The following STK11 variants were observed in gnomAD, a reference collection of about 807,000 sequenced individuals.
STK11 encodes serine/threonine kinase 11, also known as serine/threonine-protein kinase STK11.
STK11 carries 8 observed loss-of-function variants against 47.3 expected under a neutral mutation model. That is an observed-to-expected ratio of 0.17 (90% CI 0.10 to 0.31). The LOEUF is 0.31. STK11 is among the 10% of genes least tolerant of loss of function. The probability of loss-of-function intolerance (pLI) is 1.00; values close to 1 mark genes in which losing one functional copy is unlikely to be tolerated. For missense variants in STK11, 475 were observed against 605.0 expected (o/e 0.79, Z 2.25); for synonymous variants, 330 against 255.8 (o/e 1.29, Z -2.77).
At chr19:1,208,039 C>T (rs1373588048) in intron 1 of STK11, among the ~76,000 whole-genome samples, 5 of 152,230 alleles carry the variant, frequency 3.3e-5, no homozygotes, top group African/African-American at 1.2e-4. Context: ...CGCCGCCTGG[C>T]GGGCCCTGCC....
chr19:1,219,177 G>A (rs1173966620), intron 2 of STK11, 147 bp from the exon 3 acceptor site: 1 of 901,432 alleles, frequency 1.1e-6, no homozygotes, highest in African/African-American at 1.7e-5. Flanking sequence ...CCTTTTCAGA[G>A]GGGTGGCTGA....
chr19:1,206,744 A>C lies in STK11; in HGVS notation c.-170A>C. On this transcript the variant is annotated 5_prime_UTR_variant, in exon 1 of 10. Coordinates refer to ENST00000326873, the MANE Select transcript of STK11 (RefSeq NM_000455.5). ...CGCAGCCGGGACTGACGTGTAGAACAATCGTTTCTGTTGGAAGAAGGGTTT... is the reference window on the plus strand; with the variant it reads ...CGCAGCCGGGACTGACGTGTAGAACCATCGTTTCTGTTGGAAGAAGGGTTT... 1 of 924,576 alleles carries C rather than the reference A, an allele frequency of 1.1e-6. No individual in the cohort carries two copies. Among genetic ancestry groups the C allele is most frequent in the Non-Finnish European group, 1.6e-6 (1 of 636,702 alleles). 57.3% of individuals were successfully genotyped at this position (924,576 alleles called of 1,614,324 possible).
intron 1 of STK11, among the ~76,000 whole-genome samples, chr19:1,215,536 C>T (rs1397037026): frequency 2.0e-5 from 3 of 152,242 alleles, no homozygotes; most frequent in South Asian, 2.1e-4. Flanking sequence ...CCCAGACTGG[C>T]GGCCCCTTGT....
In STK11 at chr19:1,223,103, G is replaced by A. The variant is rs369744528; in HGVS notation, c.1039G>A (p.Ala347Thr). 3.4e-5 allele frequency: 54 copies of A among 1,611,164 alleles called. No homozygotes were observed. In the South Asian group the frequency reaches 3.5e-4, roughly 11 times the overall value. ...VVPYLEDLHG[A>T]DEDEDLFDIE... ...GCCGTACTTGGAGGACCTGCACGGC[G>A]CGGACGAGGACGAGGACCTCTTCGA... Residue 347 changes from alanine (A) to threonine (T), a missense_variant, in exon 8 of 10, where the codon GCG (alanine) becomes ACG (threonine). Around this residue, in one of 5 missense-constraint regions of STK11, gnomAD observed 219 missense variants for 189.2 expected, o/e 1.16. Coordinates refer to ENST00000326873, the MANE Select transcript of STK11 (RefSeq NM_000455.5).
intron 8 of STK11, chr19:1,225,554 C>T: frequency 5.1e-6 from 5 of 985,576 alleles, no homozygotes; most frequent in Non-Finnish European, 4.8e-6. Flanking sequence ...CAAGCGTGAG[C>T]CACCGCGACC....
Position 1,219,455 on chromosome 19 carries a change from G to GGGCCGGT in STK11, c.464+46_464+47insGGTGGCC, listed in dbSNP as rs1329198778. 8.4e-6 allele frequency: 13 copies of GGGCCGGT among 1,540,318 alleles called. No individual in the cohort carries two copies. In the East Asian group the frequency reaches 2.9e-4, roughly 35 times the overall value. ...GGGGCCAGGGTGGGGCGGGGGCCGG[G>GGGCCGGT]GGCCAGGCAGGGCAGGCTCCTTTCC... On this transcript the variant is annotated intron_variant, in intron 3 of 9. Coordinates refer to ENST00000326873, the MANE Select transcript of STK11 (RefSeq NM_000455.5).
In STK11 at chr19:1,227,589, G is replaced by A; in HGVS notation, c.*17-4G>A. On this transcript the variant is annotated splice_region_variant and splice_polypyrimidine_tract_variant and intron_variant, in intron 9 of 9. Coordinates refer to ENST00000326873, the MANE Select transcript of STK11 (RefSeq NM_000455.5). ...ACCTCTTCCGTCTTCCTTCCACCCT[G>A]CAGCCCGTGTCCAGGAGCCCCGCCA... is the stretch of plus-strand genomic sequence containing the variant. The A allele has an allele frequency of 1.9e-6, 2 of 1,064,410 alleles. No individual in the cohort carries two copies. Among genetic ancestry groups the A allele is most frequent in the Non-Finnish European group, 2.3e-6 (2 of 878,718 alleles). 65.9% of individuals were successfully genotyped at this position (1,064,410 alleles called of 1,614,324 possible). A position where few individuals can be genotyped will look rare whatever the true frequency, so the allele number is the denominator to read the frequency against.
chr19:1,213,582 C>T (rs560864554), intron 1 of STK11, among the ~76,000 whole-genome samples: 1 of 152,360 alleles, frequency 6.6e-6, no homozygotes, highest in Admixed American at 6.5e-5. Context: ...GGGGCATCCG[C>T]GCCGTGGCCT....
chr19:1,207,183 C>T lies in STK11; in HGVS notation c.270C>T (p.Asn90=), dbSNP rs1555735064. The change falls in exon 1 of 10, where the codon AAC becomes AAT. Residue 90 remains asparagine, a synonymous_variant. Transcript: ENST00000326873. ...LKKKKLRRIP[N]GEANVKKEIQ... is the part of the protein sequence containing the mutation. ...AGAAGAAGTTGCGAAGGATCCCCAA[C>T]GGGGAGGCCAACGTGAAGAAGTAAG... The T allele has an allele frequency of 6.2e-7, 1 of 1,607,692 alleles. No homozygotes were observed. Among genetic ancestry groups the T allele is most frequent in the Admixed American group, 1.7e-5 (1 of 58,754 alleles).
rs121913323 is a variant in STK11 at position 1,220,416 on chromosome 19, C to G, written c.508C>G (p.Gln170Glu). ...TGACGGCCTGGAGTACCTGCATAGCCAGGGCATTGTGCACAAGGACATCAA... is the reference window on the plus strand; with the variant it reads ...TGACGGCCTGGAGTACCTGCATAGCGAGGGCATTGTGCACAAGGACATCAA... The part of the protein sequence containing the change: ...LIDGLEYLHS[Q>E]GIVHKDIKPG... The change falls in exon 4 of 10, where the codon CAG becomes GAG. Residue 170 changes from glutamine (Q) to glutamate (E), a missense_variant. Physicochemically the swap from Gln to Glu is conservative, Grantham distance 29. This residue lies in a region of STK11 where 130 missense variants were observed against 239.7 expected (regional missense o/e 0.54). Transcript: ENST00000326873. The G allele has an allele frequency of 3.1e-6, 5 of 1,605,588 alleles. No homozygotes were observed. In the South Asian group the frequency reaches 5.6e-5, roughly 18 times the overall value.
rs757109406 is a variant in STK11, at chr19:1,222,015, C to G, written c.920+9C>G. The G allele has an allele frequency of 6.4e-7, 1 of 1,565,034 alleles. No individual in the cohort carries two copies. The highest frequency in any genetic ancestry group is 8.7e-7 in the Non-Finnish European group (1 of 1,155,586). Reference sequence around the variant, plus strand: ...CAGATCCGGCAGCACAGGTGAGCGGCCCCTGGGGGCAGTGGGGCCGAGGCT... The same window carrying G: ...CAGATCCGGCAGCACAGGTGAGCGGGCCCTGGGGGCAGTGGGGCCGAGGCT... On this transcript the variant is annotated intron_variant, in intron 7 of 9. Coordinates refer to ENST00000326873, the MANE Select transcript of STK11 (RefSeq NM_000455.5).
intron 3 of STK11, chr19:1,219,917 C>T (rs1437810191): frequency 5.2e-6 from 1 of 193,012 alleles, no homozygotes; most frequent in African/African-American, 2.4e-5. Flanking sequence ...GGGCTGCTGC[C>T]AACCTCCCGC....
intron 1 of STK11, among the ~76,000 whole-genome samples, chr19:1,212,449 G>A (rs1353770958): frequency 6.6e-6 from 1 of 151,890 alleles, no homozygotes; most frequent in African/African-American, 2.4e-5. Context: ...ATGGGGTTTC[G>A]CCATGTTGTC....
chr19:1,224,225 G>T, intron 8 of STK11: 1 of 985,198 alleles, frequency 1.0e-6, no homozygotes, highest in South Asian at 4.7e-5. Flanking sequence ...CCCCCAGGAG[G>T]ATGCAGCATG....
At chr19:1,211,755 C>T (rs555553071) in intron 1 of STK11, among the ~76,000 whole-genome samples, 1 of 152,386 alleles carries the variant, frequency 6.6e-6, no homozygotes, top group South Asian at 2.1e-4. Context: ...CCCATCCGCA[C>T]CGCCCCCGCG....
At chr19:1,223,197 C>T (rs1007345825) in intron 8 of STK11, 25 bp downstream of exon 8, 61 of 1,597,742 alleles carry the variant, frequency 3.8e-5, no homozygotes, top group Middle Eastern at 1.7e-4. Context: ...GGCCCCTGCC[C>T]GGCTCTGCTG....
chr19:1,227,827 C>T lies in STK11; in HGVS notation c.*251C>T, dbSNP rs2080837402. On this transcript the variant is annotated 3_prime_UTR_variant, in exon 10 of 10. Coordinates refer to ENST00000326873, the MANE Select transcript of STK11 (RefSeq NM_000455.5). ...ACTTCGCAGCCCCGGGCGGAGCCTT[C>T]CCGGGCGGGCGTGGGAGGAGGGAGG... 1 of 1,071,374 alleles carries T rather than the reference C, an allele frequency of 9.3e-7. No individual in the cohort carries two copies. The highest frequency in any genetic ancestry group is 1.1e-6 in the Non-Finnish European group (1 of 883,110). 66.4% of individuals were successfully genotyped at this position (1,071,374 alleles called of 1,614,324 possible).
chr19:1,220,553 C>T (rs2145424892), intron 4 of STK11, 28 bp from the exon 5 acceptor site: 2 of 1,577,174 alleles, frequency 1.3e-6, no homozygotes, highest in South Asian at 1.1e-5. Flanking sequence ...CCCGGGCACT[C>T]CCTGAGGGCT....
Position 1,227,813 on chromosome 19 carries a change from C to A in STK11, c.*237C>A, listed in dbSNP as rs886054221. The A allele has an allele frequency of 1.3e-5, 14 of 1,072,158 alleles. No individual in the cohort carries two copies. In the African/African-American group the frequency reaches 2.0e-4, roughly 15 times the overall value. 66.4% of individuals were successfully genotyped at this position (1,072,158 alleles called of 1,614,324 possible). On this transcript the variant is annotated 3_prime_UTR_variant, in exon 10 of 10. Transcript: ENST00000326873. ...CACGCGGCTTGTTGACTTCGCAGCC[C>A]CGGGCGGAGCCTTCCCGGGCGGGCG...
Sources: gnomAD v4.1 joint callset for allele counts (sites outside exome capture counted in the v4.1 genomes callset) on GRCh38, gnomAD v4.1.1 for gene constraint, gnomAD v4.1.1 regional missense constraint, MANE v1.5 for transcripts, NCBI Gene and HGNC (gene_info 2026-07-23, HGNC 2026-07-21) for gene names.